CCDC112: variants seen among roughly 807,000 people sequenced by gnomAD.
The protein encoded by CCDC112 is coiled-coil domain containing 112.
Under a neutral mutation model 66.3 loss-of-function variants are expected in CCDC112, and 40 were observed. That is an observed-to-expected ratio of 0.60 (90% confidence interval 0.47 to 0.79). The LOEUF is 0.79. Ranked by LOEUF, CCDC112 falls within the 30% of genes least tolerant of loss-of-function variation. The pLI, the probability that CCDC112 is intolerant of heterozygous loss-of-function variation, is 0.00. For missense variants in CCDC112, 659 were observed against 603.8 expected, an observed-to-expected ratio of 1.09 and a Z score of -0.96; for synonymous variants, 214 against 197.2, an observed-to-expected ratio of 1.09 and a Z score of -0.71.
At chr5:115,296,149 G>C (rs1580814498) in intron 1 of CCDC112, 3 of 1,176,724 alleles carry the variant, frequency 2.5e-6, no homozygotes, top group East Asian at 3.8e-5. Flanking sequence ...AGAGAAGAAA[G>C]TGAGTCGCCG....
chr5:115,289,054 G>T, intron 1 of CCDC112: 1 of 278,726 alleles, frequency 3.6e-6, no homozygotes, highest in Non-Finnish European at 6.8e-6. Context: ...CTTTCCCTCA[G>T]CCTTCATCAA....
rs1232775500 is a variant in CCDC112, at chr5:115,271,852, T to A, written c.919-226A>T. On this transcript the variant is annotated intron_variant, in intron 6 of 9. Transcript: ENST00000379611. ...GAATAATGGGTCATCCTTTTGGCCT[T>A]CCTCTTTCTCTCTTAATCAAGTTCA... Among the ~76,000 whole-genome samples, 3 of 152,228 alleles carry A rather than the reference T, an allele frequency of 2.0e-5. No homozygotes were observed. In the East Asian group the frequency reaches 5.8e-4, roughly 29 times the overall value.
At chr5:115,270,045 A>T (rs976850581) in intron 7 of CCDC112, among the ~76,000 whole-genome samples, 1 of 152,070 alleles carries the variant, frequency 6.6e-6, no homozygotes, top group Non-Finnish European at 1.5e-5. Context: ...ACTCCCTTTT[A>T]ATAGGTGAGT....
intron 9 of CCDC112, 43 bp from the exon 10 acceptor site, chr5:115,267,961 T>A (rs1211264255): frequency 1.3e-6 from 2 of 1,508,428 alleles, no homozygotes; most frequent in Admixed American, 3.5e-5. Context: ...ATGTAGGAAA[T>A]TAAAAAGAAA....
chr5:115,278,752 A>G (rs1423494963), intron 3 of CCDC112, among the ~76,000 whole-genome samples: 1 of 152,172 alleles, frequency 6.6e-6, no homozygotes, highest in Admixed American at 6.5e-5. Context: ...CACTTTTTAA[A>G]GTAGTGTAAT....
At chr5:115,275,868 T>C in intron 5 of CCDC112, 126 bp downstream of exon 5, 2 of 745,728 alleles carry the variant, frequency 2.7e-6, no homozygotes, top group South Asian at 1.8e-5. Context: ...AAAAAAGATA[T>C]TATATTGCTT....
Position 115,296,534 on chromosome 5 carries a change from G to C in CCDC112, c.10C>G (p.Leu4Val). The change falls in exon 1 of 10, where the codon CTG becomes GTG. Residue 4 changes from leucine to valine, a missense_variant. By Grantham distance (32) the Leu-to-Val change is conservative (BLOSUM62 1). Transcript: ENST00000379611. Reference protein sequence around the residue: MAALTTVVVAAAAT... With the variant: MAAVTTVVVAAAAT... ...GCAGCCGCTACCACAACCGTCGTCA[G>C]TGCGGCCATGTTTACCCGCCGAGCT... is the stretch of plus-strand genomic sequence containing the variant. 6.6e-7 allele frequency: 1 copy of C among 1,512,298 alleles called. No homozygotes were observed. Among genetic ancestry groups the C allele is most frequent in the South Asian group, 1.2e-5 (1 of 80,684 alleles). The allele number at this position is 1,512,298 out of a possible 1,614,324, so 93.7% of individuals were successfully genotyped here.
rs1749157114 is a variant in CCDC112, at chr5:115,275,287, T to G, written c.847A>C (p.Thr283Pro). 1 of 1,613,872 alleles carries G rather than the reference T, an allele frequency of 6.2e-7. No individual in the cohort carries two copies. The highest frequency in any genetic ancestry group is 8.5e-7 in the Non-Finnish European group (1 of 1,179,956). Reference sequence around the variant, plus strand: ...TCATGCTGTTGAACTTCATCTTGTGTTTTTCCAGGAAGGTGTTCTAGAACT... The same window carrying G: ...TCATGCTGTTGAACTTCATCTTGTGGTTTTCCAGGAAGGTGTTCTAGAACT... ...EEVLEHLPGK[T>P]QDEVQQHEKW... The change falls in exon 6 of 10, where the codon ACA becomes CCA. Residue 283 changes from threonine to proline, a missense_variant. Transcript: ENST00000379611.
intron 6 of CCDC112, among the ~76,000 whole-genome samples, chr5:115,274,740 T>G (rs1749132910): frequency 6.6e-6 from 1 of 152,156 alleles, no homozygotes; most frequent in South Asian, 2.1e-4. Context: ...ATTACTTAAC[T>G]TCCTTTTTTT....
At chr5:115,271,129 T>C in intron 7 of CCDC112, 84 bp downstream of exon 7, 1 of 1,279,858 alleles carries the variant, frequency 7.8e-7, no homozygotes, top group Non-Finnish European at 1.1e-6. Context: ...AATATACAAA[T>C]ACTCAATTTT....
intron 1 of CCDC112, 67 bp from the exon 2 acceptor site, chr5:115,284,975 A>G: frequency 6.9e-7 from 1 of 1,457,972 alleles, no homozygotes; most frequent in Middle Eastern, 1.8e-4. Context: ...GAATTTTTTC[A>G]GAGAGATAAA....
Position 115,296,601 on chromosome 5 carries a change from A to C in CCDC112, c.-58T>G. ...CCACCGGTGCCTGGGGATTCGTGGC[A>C]GGCGCACCCTGGCCTCTGCAGACAG... On this transcript the variant is annotated 5_prime_UTR_variant, in exon 1 of 10. Coordinates refer to ENST00000379611, the MANE Select transcript of CCDC112 (RefSeq NM_001040440.3). 2.1e-6 allele frequency: 3 copies of C among 1,404,102 alleles called. No homozygotes were observed. Among genetic ancestry groups the C allele is most frequent in the African/African-American group, 3.0e-5 (2 of 65,912 alleles). The allele number at this position is 1,404,102 out of a possible 1,614,324, so 87.0% of individuals were successfully genotyped here.
intron 3 of CCDC112, 132 bp downstream of exon 3, chr5:115,279,515 T>C: frequency 2.2e-6 from 2 of 903,978 alleles, no homozygotes; most frequent in South Asian, 1.5e-5. Flanking sequence ...ACAGAGAATA[T>C]AACACAGTCA....
chr5:115,278,478 A>G (rs1415666710), intron 3 of CCDC112, among the ~76,000 whole-genome samples: 1 of 152,086 alleles, frequency 6.6e-6, no homozygotes, highest in Non-Finnish European at 1.5e-5. Flanking sequence ...AAAACTTATA[A>G]AAATAACTTA....
At chr5:115,296,060 T>A (rs897151878) in intron 1 of CCDC112, 2 of 1,009,838 alleles carry the variant, frequency 2.0e-6, no homozygotes, top group African/African-American at 3.4e-5. Flanking sequence ...CCCCCTCCAA[T>A]CAAGCACTGT....
chr5:115,284,550 C>T (rs1050134267), intron 2 of CCDC112, among the ~76,000 whole-genome samples: 2 of 151,982 alleles, frequency 1.3e-5, no homozygotes, highest in African/African-American at 4.8e-5. Flanking sequence ...CCTTGAAATA[C>T]ACAGATTCAA....
chr5:115,283,156 T>C (rs2127065784), intron 2 of CCDC112, among the ~76,000 whole-genome samples: 1 of 152,262 alleles, frequency 6.6e-6, no homozygotes, highest in South Asian at 2.1e-4. Flanking sequence ...AAGATATATG[T>C]ATTAGCAACT....
rs772180993 is a variant in CCDC112, at chr5:115,271,375, T to C, written c.1170A>G (p.Glu390=). Residue 390 remains glutamate, a synonymous_variant, in exon 7 of 10, where the codon GAA becomes GAG. Coordinates refer to ENST00000379611, the MANE Select transcript of CCDC112 (RefSeq NM_001040440.3). ...ATTTTAACTTAAACTGGCGCTGGCG[T>C]TCTTTCTGATGTTTTTTCTCTTTCT... ...EEEKEKKHQK[E]RQRQFKLKLL... 3 of 1,611,284 alleles carry C rather than the reference T, an allele frequency of 1.9e-6. No individual in the cohort carries two copies. Among genetic ancestry groups the C allele is most frequent in the Non-Finnish European group, 1.7e-6 (2 of 1,179,546 alleles).
At chr5:115,291,313 T>G (rs1477285508) in intron 1 of CCDC112, among the ~76,000 whole-genome samples, 2 of 152,154 alleles carry the variant, frequency 1.3e-5, no homozygotes, top group Non-Finnish European at 2.9e-5. Context: ...AAACCAACAC[T>G]GCATGTCTGG....
Sources: gnomAD v4.1 joint callset for allele counts (sites outside exome capture counted in the v4.1 genomes callset) on GRCh38, gnomAD v4.1.1 for gene constraint, MANE v1.5 for transcripts, NCBI Gene and HGNC (gene_info 2026-07-23, HGNC 2026-07-21) for gene names.